GALNT13: variants seen among roughly 807,000 people sequenced by gnomAD.
GALNT13 encodes polypeptide N-acetylgalactosaminyltransferase 13, also known as UDP-GalNAc:polypeptide N-acetylgalactosaminyltransferase 13.
GALNT13 carries 28 observed loss-of-function variants against 64.2 expected under a neutral mutation model. That is an observed-to-expected ratio of 0.44 (90% CI 0.32 to 0.60). The LOEUF (loss-of-function observed/expected upper bound fraction) is 0.60. Ranked by LOEUF, GALNT13 falls within the 20% of genes least tolerant of loss-of-function variation. The pLI is 0.05. For missense variants in GALNT13, 577 were observed against 669.8 expected, an observed-to-expected ratio of 0.86 and a Z score of 1.53; for synonymous variants, 214 against 224.6, an observed-to-expected ratio of 0.95 and a Z score of 0.42.
intron 2 of GALNT13, among the ~76,000 whole-genome samples, chr2:153,903,538 C>T (rs1275220703): frequency 6.6e-6 from 1 of 151,908 alleles, no homozygotes. Context: ...AAGTAAGGCC[C>T]ATTTGCTGTG....
At chr2:153,847,732 T>A in the GALNT13 span, among the ~76,000 whole-genome samples, 1 of 152,156 alleles carries the variant, frequency 6.6e-6, no homozygotes, top group African/African-American at 2.4e-5. Context: ...AGAGCAGTGC[T>A]TAGAGGAAAA....
At chr2:153,384,839 T>A in the GALNT13 span, among the ~76,000 whole-genome samples, 1 of 152,012 alleles carries the variant, frequency 6.6e-6, no homozygotes, top group South Asian at 2.1e-4. Flanking sequence ...AATATACAAT[T>A]TAGGCACAGC....
intron 8 of GALNT13, among the ~76,000 whole-genome samples, chr2:154,301,044 C>G (rs905634328): frequency 2.0e-5 from 3 of 152,054 alleles, no homozygotes; most frequent in African/African-American, 7.2e-5. Context: ...GATTTTTCTC[C>G]AAATCAAATT....
the GALNT13 span, among the ~76,000 whole-genome samples, chr2:153,231,243 A>T: frequency 6.6e-6 from 1 of 152,326 alleles, no homozygotes; most frequent in African/African-American, 2.4e-5. Context: ...CGAGTTTTCA[A>T]ATGAGAATTT....
the GALNT13 span, among the ~76,000 whole-genome samples, chr2:153,657,689 G>C: frequency 6.6e-6 from 1 of 152,086 alleles, no homozygotes; most frequent in African/African-American, 2.4e-5. Flanking sequence ...GAACAAAATA[G>C]CTCTTTCAGT....
intron 2 of GALNT13, among the ~76,000 whole-genome samples, chr2:153,916,043 G>A (rs1437254448): frequency 6.6e-6 from 1 of 152,072 alleles, no homozygotes; most frequent in Non-Finnish European, 1.5e-5. Flanking sequence ...ACAAGGAGAG[G>A]ATAGGAATTA....
chr2:154,112,502 A>G (rs1703043947), intron 3 of GALNT13, among the ~76,000 whole-genome samples: 1 of 152,200 alleles, frequency 6.6e-6, no homozygotes, highest in Admixed American at 6.5e-5. Context: ...AGGTCCATCC[A>G]CATCCCTCTT....
the GALNT13 span, among the ~76,000 whole-genome samples, chr2:153,493,075 G>C: frequency 6.6e-6 from 1 of 151,842 alleles, no homozygotes; most frequent in South Asian, 2.1e-4. Context: ...TGTTACAAAA[G>C]AAGGACCTAA....
chr2:154,267,101 A>G (rs1691050108), intron 8 of GALNT13, among the ~76,000 whole-genome samples: 1 of 152,162 alleles, frequency 6.6e-6, no homozygotes, highest in South Asian at 2.1e-4. Context: ...TAGAGAAAGA[A>G]TAGTAGTTTC....
chr2:153,098,773 G>A, the GALNT13 span, among the ~76,000 whole-genome samples: 1 of 152,190 alleles, frequency 6.6e-6, no homozygotes, highest in Non-Finnish European at 1.5e-5. Flanking sequence ...GACTGGAGTG[G>A]ATTTCCTGAG....
the GALNT13 span, among the ~76,000 whole-genome samples, chr2:153,407,481 C>T: frequency 1.3e-5 from 2 of 152,138 alleles, no homozygotes; most frequent in East Asian, 3.9e-4. Flanking sequence ...CTCAGGTGAT[C>T]TTTCTTGTGA....
the GALNT13 span, among the ~76,000 whole-genome samples, chr2:153,514,903 C>G: frequency 6.6e-6 from 1 of 152,138 alleles, no homozygotes; most frequent in African/African-American, 2.4e-5. Flanking sequence ...AGCATACAGA[C>G]AGAATGTTCT....
chr2:154,374,045 A>AC (rs1697842811), intron 9 of GALNT13, among the ~76,000 whole-genome samples: 1 of 152,136 alleles, frequency 6.6e-6, no homozygotes, highest in African/African-American at 2.4e-5. Flanking sequence ...ACCAGTTATA[A>AC]CATGAAGTAC....
At chr2:153,942,976 C>G (rs1363411862) in intron 2 of GALNT13, among the ~76,000 whole-genome samples, 1 of 152,090 alleles carries the variant, frequency 6.6e-6, no homozygotes, top group Non-Finnish European at 1.5e-5. Flanking sequence ...ACTGTTCACC[C>G]CAATTAGCTC....
At chr2:153,345,706 T>C in the GALNT13 span, among the ~76,000 whole-genome samples, 63 of 119,232 alleles carry the variant, frequency 5.3e-4, 2 homozygotes, top group East Asian at 2.7e-3. Flanking sequence ...TTTCTTTCTC[T>C]TTCTCTCTTT....
the GALNT13 span, among the ~76,000 whole-genome samples, chr2:153,756,245 G>A: frequency 2.0e-5 from 3 of 151,950 alleles, no homozygotes; most frequent in South Asian, 4.1e-4. Context: ...ATCTTTTGTG[G>A]AAAAGTCAAT....
At chr2:153,444,535 A>G in the GALNT13 span, among the ~76,000 whole-genome samples, 3 of 152,224 alleles carry the variant, frequency 2.0e-5, no homozygotes, top group African/African-American at 4.8e-5. Flanking sequence ...TATAGGAATA[A>G]TACTATTTTA....
the GALNT13 span, among the ~76,000 whole-genome samples, chr2:153,786,140 A>G: frequency 6.6e-6 from 1 of 151,976 alleles, no homozygotes; most frequent in Non-Finnish European, 1.5e-5. Flanking sequence ...CTCCATCACA[A>G]CCACCCTGCC....
chr2:153,584,313 G>A, the GALNT13 span, among the ~76,000 whole-genome samples: 2 of 152,106 alleles, frequency 1.3e-5, no homozygotes, highest in African/African-American at 2.4e-5. Flanking sequence ...CCAAGACACA[G>A]CACAGTATTC....
Sources: gnomAD v4.1 joint callset for allele counts (sites outside exome capture counted in the v4.1 genomes callset) on GRCh38, gnomAD v4.1.1 for gene constraint, MANE v1.5 for transcripts, NCBI Gene and HGNC (gene_info 2026-07-23, HGNC 2026-07-21) for gene names.